PLCL2: variants seen among roughly 807,000 people sequenced by gnomAD.
PLCL2 encodes the protein inactive phospholipase C-like protein 2.
Under a neutral mutation model 79.6 loss-of-function variants are expected in PLCL2, and 4 were observed. That is an observed-to-expected ratio of 0.05 (90% CI 0.02 to 0.11). The LOEUF is 0.11. Among genes scored for constraint, PLCL2 ranks in the 10% least tolerant of loss-of-function variants. The pLI, the probability that PLCL2 is intolerant of heterozygous loss-of-function variation, is 1.00. For missense variants in PLCL2, 895 were observed against 1,291.0 expected (o/e 0.69, Z 4.70); for synonymous variants, 484 against 457.7 (o/e 1.06, Z -0.73).
chr3:17,085,691 C>T (rs990821323), intron 5 of PLCL2, among the ~76,000 whole-genome samples: 11 of 152,034 alleles, frequency 7.2e-5, no homozygotes, highest in Non-Finnish European at 1.6e-4. Context: ...CCTCATGATC[C>T]GCCCGCCTCG....
intron 1 of PLCL2, among the ~76,000 whole-genome samples, chr3:16,902,691 G>T (rs922993140): frequency 6.6e-6 from 1 of 152,052 alleles, no homozygotes; most frequent in Non-Finnish European, 1.5e-5. Context: ...GCTGGGCATG[G>T]TGATGCGTGC....
At chr3:16,897,448 A>C (rs1214392756) in intron 1 of PLCL2, among the ~76,000 whole-genome samples, 1 of 152,152 alleles carries the variant, frequency 6.6e-6, no homozygotes, top group African/African-American at 2.4e-5. Context: ...AGGTGTACCC[A>C]TGGCATTCTG....
intron 3 of PLCL2, among the ~76,000 whole-genome samples, chr3:17,038,238 G>A (rs2124916317): frequency 6.6e-6 from 1 of 152,170 alleles, no homozygotes; most frequent in East Asian, 1.9e-4. Flanking sequence ...CTGGTAACAG[G>A]CCAGTGATAT....
rs372441384 is a variant in PLCL2, at chr3:17,030,473, A to G, written c.3019-12401A>G. Among the ~76,000 whole-genome samples the G allele has an allele frequency of 1.4e-4, 21 of 152,322 alleles. No homozygotes were observed. In the East Asian group the frequency reaches 2.1e-3, roughly 15 times the overall value. On this transcript the variant is annotated intron_variant, in intron 3 of 5. Coordinates refer to ENST00000615277, the MANE Select transcript of PLCL2 (RefSeq NM_001144382.2). ...TTTGTCATGCCCCACTTTGTTATTT[A>G]TACAGAGCATGATTACTCCATTTCA...
At chr3:17,017,063 A>C (rs1029452389) in intron 3 of PLCL2, among the ~76,000 whole-genome samples, 3 of 152,208 alleles carry the variant, frequency 2.0e-5, no homozygotes, top group African/African-American at 7.2e-5. Flanking sequence ...AAAAATCCTC[A>C]TGGCCACCAG....
intron 5 of PLCL2, among the ~76,000 whole-genome samples, chr3:17,082,422 G>A (rs985590543): frequency 1.6e-4 from 25 of 151,846 alleles, no homozygotes; most frequent in Admixed American, 1.4e-3. Flanking sequence ...ATGAGCCACC[G>A]CGCCTGGCCA....
At chr3:17,081,373 G>A (rs2124954422) in intron 5 of PLCL2, 1 of 399,034 alleles carries the variant, frequency 2.5e-6, no homozygotes, top group South Asian at 1.8e-5. Flanking sequence ...TTACACAGGT[G>A]GCAGAGGGCA....
intron 1 of PLCL2, among the ~76,000 whole-genome samples, chr3:17,003,293 G>A (rs1054419217): frequency 2.6e-5 from 4 of 152,162 alleles, no homozygotes; most frequent in Non-Finnish European, 4.4e-5. Flanking sequence ...GGAAGATTGA[G>A]TCAGTAATTG....
At chr3:16,907,049 G>T (rs1183393552) in intron 1 of PLCL2, among the ~76,000 whole-genome samples, 1 of 152,128 alleles carries the variant, frequency 6.6e-6, no homozygotes, top group Non-Finnish European at 1.5e-5. Context: ...TTTGCAAGCT[G>T]TTATCTGAAA....
intron 1 of PLCL2, among the ~76,000 whole-genome samples, chr3:16,976,400 T>C (rs1046083977): frequency 6.6e-5 from 10 of 152,242 alleles, no homozygotes; most frequent in African/African-American, 2.2e-4. Flanking sequence ...AGGAAGATTT[T>C]CTGTATTTCA....
chr3:17,056,113 G>A (rs2064889692), intron 4 of PLCL2, among the ~76,000 whole-genome samples: 2 of 152,090 alleles, frequency 1.3e-5, no homozygotes, highest in Non-Finnish European at 2.9e-5. Flanking sequence ...GCAACTCTCA[G>A]GGTCATCTCA....
chr3:16,973,182 A>G (rs2063891366), intron 1 of PLCL2, among the ~76,000 whole-genome samples: 1 of 152,126 alleles, frequency 6.6e-6, no homozygotes, highest in Non-Finnish European at 1.5e-5. Flanking sequence ...TCAGGTGATA[A>G]TAGATTTCCT....
At chr3:17,066,025 C>G (rs575435103) in intron 4 of PLCL2, among the ~76,000 whole-genome samples, 1 of 152,276 alleles carries the variant, frequency 6.6e-6, no homozygotes, top group East Asian at 1.9e-4. Flanking sequence ...CTTAGAAAAG[C>G]CAAGCACATC....
intron 1 of PLCL2, among the ~76,000 whole-genome samples, chr3:16,940,713 G>C (rs1458550232): frequency 1.3e-5 from 2 of 152,190 alleles, no homozygotes; most frequent in African/African-American, 4.8e-5. Flanking sequence ...TCTTGGCTCT[G>C]CTACAAACTG....
rs146312707 is a variant in PLCL2 at position 16,974,897 on chromosome 3, GT to G, written c.328-34776del. On this transcript the variant is annotated intron_variant, in intron 1 of 5. Coordinates refer to ENST00000615277, the MANE Select transcript of PLCL2 (RefSeq NM_001144382.2). Reference sequence around the variant, plus strand: ...ATTGACCTTACAAAATTGAGTGTATGTAGAGGGGAAGGGCTTAAATCCATGG... The same window carrying G: ...ATTGACCTTACAAAATTGAGTGTATGAGAGGGGAAGGGCTTAAATCCATGG... Among the ~76,000 whole-genome samples the G allele has an allele frequency of 7.4e-3, 1,130 of 152,314 alleles. 18 individuals are homozygous for G. Among genetic ancestry groups the G allele is most frequent in the African/African-American group, 0.026 (1,079 of 41,572 alleles).
At chr3:16,993,011 C>A (rs3924137) in intron 1 of PLCL2, among the ~76,000 whole-genome samples, 1,638 of 152,220 alleles carry the variant, frequency 0.011, 30 homozygotes, top group Admixed American at 0.046. Context: ...GGTGAGGAGA[C>A]CTTTGGTGAA....
chr3:16,997,705 ATT>A (rs1169083048), intron 1 of PLCL2, among the ~76,000 whole-genome samples: 4 of 151,402 alleles, frequency 2.6e-5, no homozygotes, highest in Admixed American at 6.6e-5. Context: ...GACCTGGCTA[ATT>A]TTTTGTATTT....
chr3:16,937,454 G>A (rs1241307426), intron 1 of PLCL2, among the ~76,000 whole-genome samples: 2 of 152,156 alleles, frequency 1.3e-5, no homozygotes, highest in Non-Finnish European at 2.9e-5. Flanking sequence ...TATTTCTATG[G>A]TGAGTCAGTT....
At chr3:17,006,770 C>A (rs1015236333) in intron 1 of PLCL2, among the ~76,000 whole-genome samples, 2 of 152,164 alleles carry the variant, frequency 1.3e-5, no homozygotes, top group Admixed American at 6.5e-5. Context: ...AAAAGCATGG[C>A]AATGTTCTTA....
Sources: gnomAD v4.1 joint callset for allele counts (sites outside exome capture counted in the v4.1 genomes callset) on GRCh38, gnomAD v4.1.1 for gene constraint, MANE v1.5 for transcripts, NCBI Gene and HGNC (gene_info 2026-07-23, HGNC 2026-07-21) for gene names.